The following RAB3C variants were observed in gnomAD, a reference collection of about 807,000 sequenced individuals.
RAB3C encodes the protein RAB3C, member RAS oncogene family, also known as ras-related protein Rab-3C.
A neutral mutation model predicts 26.4 loss-of-function variants in RAB3C; 17 were observed. The observed-to-expected ratio is 0.64, with a 90% CI of 0.44 to 0.97. The LOEUF is 0.97. RAB3C is among the 50% of genes least tolerant of loss of function. The probability of loss-of-function intolerance (pLI) is 0.00; values close to 1 mark genes in which losing one functional copy is unlikely to be tolerated. For missense variants in RAB3C, 242 were observed against 281.9 expected (o/e 0.86, Z 1.01); for synonymous variants, 91 against 95.9 (o/e 0.95, Z 0.30).
chr5:58,739,171 C>G (rs1321713525), intron 3 of RAB3C, among the ~76,000 whole-genome samples: 2 of 152,174 alleles, frequency 1.3e-5, no homozygotes, highest in African/African-American at 4.8e-5. Context: ...ATACACTGTC[C>G]ATCAAGTCTG....
intron 1 of RAB3C, among the ~76,000 whole-genome samples, chr5:58,590,767 A>G (rs950400991): frequency 6.6e-6 from 1 of 151,260 alleles, no homozygotes; most frequent in African/African-American, 2.4e-5. Context: ...CTGGTCTTGA[A>G]CTCCTGGCCT....
At chr5:58,743,520 C>T (rs1741324498) in intron 3 of RAB3C, among the ~76,000 whole-genome samples, 1 of 152,124 alleles carries the variant, frequency 6.6e-6, no homozygotes, top group Middle Eastern at 3.4e-3. Context: ...AGGTTTTAAG[C>T]CCTCATGCTT....
intron 2 of RAB3C, among the ~76,000 whole-genome samples, chr5:58,677,915 A>G (rs571911756): frequency 1.3e-5 from 2 of 152,018 alleles, no homozygotes; most frequent in Non-Finnish European, 2.9e-5. Flanking sequence ...ATGACCTAGA[A>G]TCAAAGAATG....
At chr5:58,623,941 TG>T (rs1194894967) in intron 2 of RAB3C, among the ~76,000 whole-genome samples, 1 of 152,052 alleles carries the variant, frequency 6.6e-6, no homozygotes, top group East Asian at 1.9e-4. Flanking sequence ...GTTTATGTAG[TG>T]GGGGGAAATA....
chr5:58,670,193 G>C (rs1454128180), intron 2 of RAB3C, among the ~76,000 whole-genome samples: 1 of 152,004 alleles, frequency 6.6e-6, no homozygotes, highest in Non-Finnish European at 1.5e-5. Context: ...ATTGACATAC[G>C]ATCTTAGAGG....
intron 4 of RAB3C, among the ~76,000 whole-genome samples, chr5:58,850,449 G>T (rs1195789262): frequency 1.3e-5 from 2 of 152,158 alleles, no homozygotes; most frequent in Non-Finnish European, 2.9e-5. Flanking sequence ...TCTGAAGGAG[G>T]TTGAAGCAGG....
chr5:58,621,314 A>G (rs1052451440), intron 2 of RAB3C, among the ~76,000 whole-genome samples: 1 of 152,148 alleles, frequency 6.6e-6, no homozygotes, highest in Non-Finnish European at 1.5e-5. Context: ...ACTGCCCCCA[A>G]ATAGAACTGT....
chr5:58,692,206 C>T (rs1300210738), intron 2 of RAB3C, among the ~76,000 whole-genome samples: 4 of 152,102 alleles, frequency 2.6e-5, no homozygotes, highest in Admixed American at 2.6e-4. Context: ...CCATTTTTAT[C>T]TCAGTGTTTT....
At chr5:58,696,271 G>A (rs1748695884) in intron 2 of RAB3C, among the ~76,000 whole-genome samples, 1 of 152,194 alleles carries the variant, frequency 6.6e-6, no homozygotes, top group East Asian at 1.9e-4. Context: ...CAGGGATGAA[G>A]CCAACTTGAT....
At chr5:58,588,872 T>C (rs1036573674) in intron 1 of RAB3C, among the ~76,000 whole-genome samples, 2 of 152,146 alleles carry the variant, frequency 1.3e-5, no homozygotes, top group Non-Finnish European at 2.9e-5. Flanking sequence ...ATAGTTTATT[T>C]CTTCCTTCCC....
intron 2 of RAB3C, among the ~76,000 whole-genome samples, chr5:58,718,542 T>C (rs564466853): frequency 6.6e-6 from 1 of 152,228 alleles, no homozygotes; most frequent in African/African-American, 2.4e-5. Context: ...GCCTCAGGCT[T>C]ATTCTATTAG....
chr5:58,720,153 A>G (rs1453888349), intron 2 of RAB3C, among the ~76,000 whole-genome samples: 6 of 151,936 alleles, frequency 3.9e-5, no homozygotes, highest in Admixed American at 3.3e-4. Context: ...AGGGAAATAA[A>G]TGGTGATATT....
intron 3 of RAB3C, among the ~76,000 whole-genome samples, chr5:58,797,354 A>ATG (rs1742685425): frequency 2.4e-4 from 14 of 58,228 alleles, no homozygotes; most frequent in African/African-American, 1.1e-3. Context: ...AAAAAAAAAA[A>ATG]TATGTATATA....
chr5:58,735,584 G>C (rs898624311), intron 3 of RAB3C, among the ~76,000 whole-genome samples: 3 of 152,208 alleles, frequency 2.0e-5, no homozygotes, highest in African/African-American at 7.2e-5. Flanking sequence ...GTGTCCACAA[G>C]ATTGATTCTT....
intron 3 of RAB3C, among the ~76,000 whole-genome samples, chr5:58,728,991 G>A (rs1367926478): frequency 6.6e-6 from 1 of 151,734 alleles, no homozygotes; most frequent in Non-Finnish European, 1.5e-5. Flanking sequence ...ACTTTTCAAG[G>A]CTATCTCTTT....
At chr5:58,719,401 C>T (rs1740694285) in intron 2 of RAB3C, among the ~76,000 whole-genome samples, 1 of 151,864 alleles carries the variant, frequency 6.6e-6, no homozygotes, top group Non-Finnish European at 1.5e-5. Flanking sequence ...CTCCATAGAC[C>T]ACCTTGAATT....
intron 3 of RAB3C, among the ~76,000 whole-genome samples, chr5:58,789,228 A>G (rs1742466480): frequency 6.6e-6 from 1 of 152,108 alleles, no homozygotes; most frequent in Admixed American, 6.6e-5. Context: ...CAGCTGCCTC[A>G]TTTAGAGCCC....
intron 4 of RAB3C, among the ~76,000 whole-genome samples, chr5:58,844,102 C>T (rs1048560694): frequency 1.4e-4 from 22 of 152,138 alleles, no homozygotes; most frequent in South Asian, 1.2e-3. Flanking sequence ...GCAAAACACA[C>T]GTAGTATGGA....
chr5:58,693,056 T>A (rs2111862062), intron 2 of RAB3C, among the ~76,000 whole-genome samples: 1 of 151,108 alleles, frequency 6.6e-6, no homozygotes. Flanking sequence ...GCAGTGAGCC[T>A]AGATCGTGCT....
Sources: allele counts gnomAD v4.1 joint callset (sites outside exome capture counted in the v4.1 genomes callset), GRCh38; gene constraint gnomAD v4.1.1; transcripts MANE v1.5; gene names NCBI Gene and HGNC (gene_info 2026-07-23, HGNC 2026-07-21).